MTM1: variants seen among roughly 807,000 people sequenced by gnomAD.
MTM1 encodes myotubularin.
MTM1 carries 9 observed loss-of-function variants against 52.1 expected under a neutral mutation model. That is an observed-to-expected ratio of 0.17 (90% CI 0.10 to 0.30). The LOEUF (loss-of-function observed/expected upper bound fraction) is 0.30. Ranked by LOEUF, MTM1 falls within the 10% of genes least tolerant of loss-of-function variation. MTM1 has a pLI of 1.00. For missense variants in MTM1, 277 were observed against 470.7 expected (o/e 0.59, Z 3.81); for synonymous variants, 136 against 163.8 (o/e 0.83, Z 1.29).
chrX:150,647,179 A>T (rs1304655258), intron 9 of MTM1, among the ~76,000 whole-genome samples: 1 of 94,053 alleles, frequency 1.1e-5, no homozygotes, highest in African/African-American at 4.3e-5. Context: ...TATCTTTCAT[A>T]TATATTTCAG....
chrX:150,591,358 C>A (rs1420081387), intron 1 of MTM1, among the ~76,000 whole-genome samples: 1 of 111,909 alleles, frequency 8.9e-6, no homozygotes, highest in African/African-American at 3.3e-5. Context: ...GTTGTGAGTT[C>A]CAGTGTGCGC....
chrX:150,624,929 G>C (rs1479956885), intron 6 of MTM1, among the ~76,000 whole-genome samples: 5 of 112,258 alleles, frequency 4.5e-5, no homozygotes, highest in African/African-American at 1.6e-4. Flanking sequence ...TGAATTTTAA[G>C]TGAAGGTTTA....
intron 5 of MTM1, among the ~76,000 whole-genome samples, chrX:150,616,250 A>G (rs1557413141): frequency 2.7e-5 from 3 of 111,959 alleles, no homozygotes; most frequent in Non-Finnish European, 5.6e-5. Context: ...TGGAGTTAGC[A>G]TGAGCCCAAA....
chrX:150,661,993 C>A lies in MTM1; in HGVS notation c.1468-1440C>A, dbSNP rs782533546. 3.6e-5 allele frequency among the ~76,000 whole-genome samples: 4 copies of A among 111,959 alleles called. No individual in the cohort carries two copies. In the South Asian group the frequency reaches 1.5e-3, roughly 42 times the overall value. On this transcript the variant is annotated intron_variant, in intron 13 of 14. Transcript: ENST00000370396. ...ATTAGCTTGATTGAGGTGATTATTT[C>A]ATAATGTATACATATATCAAAATAT...
At chrX:150,579,547 G>A (rs1222518699) in intron 1 of MTM1, among the ~76,000 whole-genome samples, 2 of 111,328 alleles carry the variant, frequency 1.8e-5, no homozygotes, top group African/African-American at 6.5e-5. Context: ...CTAAGCTGGA[G>A]TGCAGTGGCA....
intron 6 of MTM1, among the ~76,000 whole-genome samples, chrX:150,637,446 T>C (rs1326071106): frequency 1.8e-5 from 2 of 111,332 alleles, no homozygotes; most frequent in Non-Finnish European, 3.8e-5. Context: ...TGCCTCCCTC[T>C]GACCAGGCGC....
intron 6 of MTM1, among the ~76,000 whole-genome samples, chrX:150,622,426 T>C (rs1557413322): frequency 8.9e-6 from 1 of 111,835 alleles, no homozygotes; most frequent in Non-Finnish European, 1.9e-5. Flanking sequence ...ATTTCATGTC[T>C]TGTGTTGGGT....
At chrX:150,571,605 T>C (rs1488640918) in intron 1 of MTM1, among the ~76,000 whole-genome samples, 5 of 112,741 alleles carry the variant, frequency 4.4e-5, no homozygotes, top group African/African-American at 1.6e-4. Context: ...TGGAACTCTT[T>C]TGTTTTTAAG....
At chrX:150,608,832 T>G (rs1555940829) in intron 4 of MTM1, among the ~76,000 whole-genome samples, 2,360 of 109,283 alleles carry the variant, frequency 0.022, 44 homozygotes, top group African/African-American at 0.052. Context: ...TGATGATGAT[T>G]ATTATTATTA....
intron 4 of MTM1, among the ~76,000 whole-genome samples, chrX:150,602,801 T>C (rs946672794): frequency 1.8e-5 from 2 of 112,081 alleles, no homozygotes; most frequent in African/African-American, 6.5e-5. Flanking sequence ...ATGAGAAAGA[T>C]ACCTTAACCC....
chrX:150,641,360 G>A lies in MTM1; in HGVS notation c.620G>A (p.Arg207His), dbSNP rs187357952. The change falls in exon 8 of 15, where the codon CGT becomes CAT. Residue 207 changes from arginine (R) to histidine (H), a missense_variant. Transcript: ENST00000370396. ...CCTGCTCTTTTGGTGGTTCCGTATCGTGCCTCAGATGATGACCTCCGGAGA... is the reference window on the plus strand; with the variant it reads ...CCTGCTCTTTTGGTGGTTCCGTATCATGCCTCAGATGATGACCTCCGGAGA... ...TYPALLVVPY[R>H]ASDDDLRRVA... 47 of 1,209,576 alleles carry A rather than the reference G, an allele frequency of 3.9e-5. 1 individual carries two copies. The Admixed American group carries it at 5.7e-4, about 15-fold the overall frequency.
chrX:150,608,509 A>G (rs891277816), intron 4 of MTM1, among the ~76,000 whole-genome samples: 1 of 112,097 alleles, frequency 8.9e-6, no homozygotes, highest in East Asian at 2.8e-4. Context: ...ATAAGCCACC[A>G]TGCCCAGCCC....
intron 8 of MTM1, 106 bp from the exon 9 acceptor site, chrX:150,645,577 C>A: frequency 1.3e-6 from 1 of 742,647 alleles, no homozygotes; most frequent in Non-Finnish European, 2.1e-6. Flanking sequence ...TTAGCACAAT[C>A]AGATTCACTT....
intron 5 of MTM1, among the ~76,000 whole-genome samples, chrX:150,617,916 A>G (rs782396121): frequency 1.1e-4 from 12 of 111,520 alleles, no homozygotes; most frequent in Admixed American, 1.0e-3. Flanking sequence ...CAGTCACAGC[A>G]CTGTAATTGA....
chrX:150,638,509 A>T (rs1300626086), intron 6 of MTM1, among the ~76,000 whole-genome samples: 1 of 111,942 alleles, frequency 8.9e-6, no homozygotes, highest in Non-Finnish European at 1.9e-5. Context: ...CTATCTTTTT[A>T]AAAAATAAAC....
intron 1 of MTM1, among the ~76,000 whole-genome samples, chrX:150,579,398 T>G (rs2038539400): frequency 8.9e-6 from 1 of 112,112 alleles, no homozygotes; most frequent in Non-Finnish European, 1.9e-5. Context: ...TTAATTTCTC[T>G]CAGCAATGTT....
At chrX:150,597,744 A>G (rs2039002135) in intron 3 of MTM1, among the ~76,000 whole-genome samples, 1 of 111,350 alleles carries the variant, frequency 9.0e-6, no homozygotes, top group Admixed American at 9.6e-5. Context: ...CCTGTTTTAT[A>G]TCACTTCAGT....
chrX:150,655,440 C>A (rs926573114), intron 10 of MTM1, among the ~76,000 whole-genome samples: 4 of 111,552 alleles, frequency 3.6e-5, no homozygotes, highest in African/African-American at 1.3e-4. Context: ...AATGTGTATG[C>A]AAAAGTTCAT....
chrX:150,591,050 G>A (rs781857322), intron 1 of MTM1: 26 of 743,700 alleles, frequency 3.5e-5, no homozygotes, highest in Admixed American at 8.8e-5. Flanking sequence ...AGGTTAGAAA[G>A]GTTTTTCAAA....
Sources: allele counts gnomAD v4.1 joint callset (sites outside exome capture counted in the v4.1 genomes callset), GRCh38; gene constraint gnomAD v4.1.1; transcripts MANE v1.5; gene names NCBI Gene and HGNC (gene_info 2026-07-23, HGNC 2026-07-21).